STYK1: variants seen among roughly 807,000 people sequenced by gnomAD.
The protein encoded by STYK1 is tyrosine-protein kinase STYK1.
In STYK1, 46 loss-of-function variants were observed where a neutral mutation model predicts 48.1. That is an observed-to-expected ratio of 0.96 (90% confidence interval 0.75 to 1.22). STYK1 has a LOEUF of 1.22. Among genes scored for constraint, STYK1 ranks in the 50% most tolerant of loss-of-function variants. STYK1 has a pLI of 0.00. For missense variants in STYK1, 527 were observed against 521.1 expected (o/e 1.01, Z -0.11); for synonymous variants, 188 against 189.0 (o/e 0.99, Z 0.04).
chr12:10,631,038 GTT>G lies in STYK1; in HGVS notation c.451+5_451+6del. The G allele has an allele frequency of 6.2e-7, 1 of 1,612,076 alleles. No homozygotes were observed. Among genetic ancestry groups the G allele is most frequent in the Non-Finnish European group, 8.5e-7 (1 of 1,178,696 alleles). The stretch of plus-strand genomic sequence containing the variant: ...GGGAAGGGGGAGTCAAACACTTCTT[GTT>G]TTACCTTTTAAAGCCTTGAGAATAA... On this transcript the variant is annotated splice_donor_5th_base_variant and intron_variant, in intron 5 of 10. Transcript: ENST00000075503.
At chr12:10,669,188 T>G (rs1565576888) in intron 1 of STYK1, among the ~76,000 whole-genome samples, 1 of 152,172 alleles carries the variant, frequency 6.6e-6, no homozygotes, top group Non-Finnish European at 1.5e-5. Context: ...TGCAAGAAAT[T>G]TTTATAGAAA....
intron 3 of STYK1, 70 bp downstream of exon 3, chr12:10,634,497 G>A (rs1947464596): frequency 6.7e-7 from 1 of 1,494,050 alleles, no homozygotes; most frequent in East Asian, 2.3e-5. Context: ...CCTCCTTCTA[G>A]AATCTACCGA....
intron 1 of STYK1, among the ~76,000 whole-genome samples, chr12:10,642,584 A>T (rs1947556948): frequency 6.6e-6 from 1 of 152,240 alleles, no homozygotes; most frequent in Non-Finnish European, 1.5e-5. Flanking sequence ...AACCAAAAAT[A>T]ACAAAATGAA....
chr12:10,666,051 A>T (rs1947830530), intron 1 of STYK1, among the ~76,000 whole-genome samples: 1 of 152,216 alleles, frequency 6.6e-6, no homozygotes, highest in African/African-American at 2.4e-5. Flanking sequence ...TTCTACCACT[A>T]AACAAGTCCT....
chr12:10,630,985 C>T (rs997589386), intron 5 of STYK1, 60 bp downstream of exon 5: 32 of 1,586,614 alleles, frequency 2.0e-5, no homozygotes, highest in African/African-American at 6.7e-5. Flanking sequence ...TCTCAATGTT[C>T]GCAAAGCCTG....
At position 10,636,089 on chromosome 12, in the gene STYK1, A is replaced by G. The variant is rs140398301; in HGVS notation, c.-69+982T>C. The stretch of plus-strand genomic sequence containing the variant: ...ATGTTGTACAGGTGTTACATTAGCC[A>G]TATTATGCTGTCCTCTATCATTACA... On this transcript the variant is annotated intron_variant, in intron 2 of 10. Transcript: ENST00000075503. Among the ~76,000 whole-genome samples, 11 of 152,326 alleles carry G rather than the reference A, an allele frequency of 7.2e-5. No homozygotes were observed. The East Asian group carries it at 1.9e-3, about 27-fold the overall frequency.
intron 1 of STYK1, among the ~76,000 whole-genome samples, chr12:10,642,293 TG>T (rs1156272205): frequency 6.6e-6 from 1 of 152,222 alleles, no homozygotes; most frequent in African/African-American, 2.4e-5. Context: ...CTTTGGAGTT[TG>T]GCTTCCATTT....
At chr12:10,622,769 C>A in intron 8 of STYK1, 91 bp from the exon 9 acceptor site, 5 of 1,478,104 alleles carry the variant, frequency 3.4e-6, no homozygotes, top group African/African-American at 1.4e-5. Flanking sequence ...AATAAGAGCC[C>A]CATGAAAAAG....
At chr12:10,634,732 A>C in intron 2 of STYK1, 46 bp from the exon 3 acceptor site, 3 of 1,266,358 alleles carry the variant, frequency 2.4e-6, no homozygotes, top group Non-Finnish European at 3.4e-6. Context: ...AATGAAAAAA[A>C]ATAAATGAAG....
At chr12:10,626,160 A>G (rs563582085) in intron 7 of STYK1, among the ~76,000 whole-genome samples, 1 of 152,348 alleles carries the variant, frequency 6.6e-6, no homozygotes, top group African/African-American at 2.4e-5. Flanking sequence ...TTATAGTGCC[A>G]TGATAAGAAT....
At chr12:10,629,333 C>T (rs1178407464) in intron 6 of STYK1, 160 bp downstream of exon 6, 3 of 727,504 alleles carry the variant, frequency 4.1e-6, no homozygotes, top group Non-Finnish European at 6.7e-6. Context: ...TAGAATATTT[C>T]TATAATTACA....
chr12:10,660,989 C>CT (rs1316580315), intron 1 of STYK1, among the ~76,000 whole-genome samples: 1 of 152,116 alleles, frequency 6.6e-6, no homozygotes, highest in African/African-American at 2.4e-5. Flanking sequence ...AGTAAGCTTA[C>CT]TTTCACTCTA....
At chr12:10,644,110 A>C (rs1947574767) in intron 1 of STYK1, among the ~76,000 whole-genome samples, 1 of 152,244 alleles carries the variant, frequency 6.6e-6, no homozygotes, top group Admixed American at 6.5e-5. Flanking sequence ...GTATGGTTCC[A>C]TCCGTATAAT....
chr12:10,660,401 T>TA (rs1343440832), intron 1 of STYK1, among the ~76,000 whole-genome samples: 1 of 152,164 alleles, frequency 6.6e-6, no homozygotes, highest in Non-Finnish European at 1.5e-5. Context: ...TAGAAGAAGT[T>TA]ACAGAAGATG....
At chr12:10,629,125 T>C (rs1036378928) in intron 6 of STYK1, among the ~76,000 whole-genome samples, 5 of 152,180 alleles carry the variant, frequency 3.3e-5, no homozygotes, top group African/African-American at 9.7e-5. Flanking sequence ...ACATAACTAG[T>C]AGGAGGTGAA....
chr12:10,637,820 C>G (rs965249813), intron 1 of STYK1, among the ~76,000 whole-genome samples: 3 of 152,184 alleles, frequency 2.0e-5, no homozygotes, highest in Non-Finnish European at 2.9e-5. Flanking sequence ...TACTCAGAAA[C>G]CACATGGCTT....
chr12:10,633,334 C>T (rs1312561684), intron 4 of STYK1, among the ~76,000 whole-genome samples: 6 of 152,168 alleles, frequency 3.9e-5, no homozygotes, highest in African/African-American at 1.4e-4. Context: ...TGAGTTTAGA[C>T]AACTTGTTTG....
chr12:10,637,431 A>G lies in STYK1; in HGVS notation c.-194-235T>C, dbSNP rs181401140. ...CTGCTCACTGCAAGCTCCACCTCCC[A>G]GGTTCATGCCATTCTCCTGCCTCAG... On this transcript the variant is annotated intron_variant, in intron 1 of 10. Transcript: ENST00000075503. Among the ~76,000 whole-genome samples, 524 of 147,232 alleles carry G rather than the reference A, an allele frequency of 3.6e-3. 1 individual carries two copies. Among genetic ancestry groups the G allele is most frequent in the Non-Finnish European group, 5.9e-3 (394 of 67,266 alleles).
At chr12:10,657,644 T>G (rs988712122) in intron 1 of STYK1, among the ~76,000 whole-genome samples, 19 of 152,248 alleles carry the variant, frequency 1.2e-4, no homozygotes, top group African/African-American at 2.4e-5. Context: ...TTGGTATACC[T>G]GCTTTAGAGC....
Sources: allele counts gnomAD v4.1 joint callset (sites outside exome capture counted in the v4.1 genomes callset), GRCh38; gene constraint gnomAD v4.1.1; transcripts MANE v1.5; gene names NCBI Gene and HGNC (gene_info 2026-07-23, HGNC 2026-07-21).